Variants in MRPS21 observed in about 807,000 individuals in gnomAD.
MRPS21 encodes the protein mitochondrial ribosomal protein S21, also known as small ribosomal subunit protein bS21m.
Under a neutral mutation model 9.9 loss-of-function variants are expected in MRPS21, and 8 were observed. The observed-to-expected ratio is 0.81, with a 90% CI of 0.47 to 1.45. MRPS21 has a LOEUF of 1.45. MRPS21 is among the 40% of genes most tolerant of loss of function. MRPS21 has a pLI of 0.00. For synonymous variants in MRPS21, 40 were observed against 40.3 expected (o/e 0.99, Z 0.03); for missense variants, 101 against 118.9 (o/e 0.85, Z 0.70).
At chr1:150,304,311 CAA>C in intron 2 of MRPS21, 91 of 181,230 alleles carry the variant, frequency 5.0e-4, no homozygotes, top group South Asian at 1.2e-3. Context: ...GCCCTGCCTA[CAA>C]AAAAAAAAAA....
chr1:150,307,558 G>C (rs1419131224), intron 2 of MRPS21, among the ~76,000 whole-genome samples: 1 of 151,424 alleles, frequency 6.6e-6, no homozygotes, highest in Admixed American at 6.6e-5. Context: ...GGGTTTTGCC[G>C]TGTTGCCCAT....
rs772088448 is a variant in MRPS21, at chr1:150,297,442, C to T, written c.83+2993C>T. ...ATCCCAGCACTTTGGGAGGTTCAGG[C>T]GGGTGGATCACCTGAGGTCAGGAGT... On this transcript the variant is annotated intron_variant, in intron 2 of 2. Coordinates refer to ENST00000614145, the MANE Select transcript of MRPS21 (RefSeq NM_031901.6). Among the ~76,000 whole-genome samples the T allele has an allele frequency of 1.8e-3, 271 of 152,116 alleles. 1 individual carries two copies. Among genetic ancestry groups the T allele is most frequent in the Middle Eastern group, 3.4e-3 (1 of 294 alleles).
chr1:150,302,491 C>T (rs368041704), intron 2 of MRPS21, among the ~76,000 whole-genome samples: 22 of 152,310 alleles, frequency 1.4e-4, no homozygotes, highest in East Asian at 3.9e-4. Flanking sequence ...TCTGCATACA[C>T]GTCTGTCCTG....
chr1:150,306,722 T>C (rs1654344690), intron 2 of MRPS21, among the ~76,000 whole-genome samples: 1 of 152,120 alleles, frequency 6.6e-6, no homozygotes, highest in South Asian at 2.1e-4. Flanking sequence ...CTCAAACTCC[T>C]GACCTCAGGT....
At chr1:150,299,733 G>C (rs952310593) in intron 2 of MRPS21, among the ~76,000 whole-genome samples, 1 of 152,140 alleles carries the variant, frequency 6.6e-6, no homozygotes, top group Non-Finnish European at 1.5e-5. Context: ...GGGATTACAG[G>C]TGTGAGCCAC....
chr1:150,296,005 G>T (rs1283897264), intron 2 of MRPS21, among the ~76,000 whole-genome samples: 2 of 149,972 alleles, frequency 1.3e-5, no homozygotes, highest in Non-Finnish European at 3.0e-5. Flanking sequence ...AGGCTGGAGC[G>T]CAGTGGTGCA....
chr1:150,308,384 C>T lies in MRPS21; in HGVS notation c.*156C>T, dbSNP rs587770728. On this transcript the variant is annotated 3_prime_UTR_variant, in exon 3 of 3. Transcript: ENST00000614145. ...CAAATATAGAAACAATCCCATTAGT[C>T]AGCAGTGGACCCTGTCTTTTATTAA... 3 of 641,554 alleles carry T rather than the reference C, an allele frequency of 4.7e-6. No homozygotes were observed. The highest frequency in any genetic ancestry group is 6.0e-5 in the Admixed American group (2 of 33,096). 39.7% of individuals were successfully genotyped at this position (641,554 alleles called of 1,614,324 possible). A position where few individuals can be genotyped will look rare whatever the true frequency, so the allele number is the denominator to read the frequency against.
chr1:150,296,909 G>A (rs1653932079), intron 2 of MRPS21, among the ~76,000 whole-genome samples: 1 of 152,154 alleles, frequency 6.6e-6, no homozygotes, highest in Non-Finnish European at 1.5e-5. Context: ...CTTGAGGACT[G>A]AGAGGGCAAA....
chr1:150,294,620 C>T (rs1485094998), intron 2 of MRPS21, among the ~76,000 whole-genome samples, 171 bp downstream of exon 2: 1 of 152,054 alleles, frequency 6.6e-6, no homozygotes, highest in African/African-American at 2.4e-5. Flanking sequence ...AGTTCTGGGC[C>T]GGGCGCGGTG....
At chr1:150,297,299 A>AAG (rs1653950446) in intron 2 of MRPS21, among the ~76,000 whole-genome samples, 108 of 256 alleles carry the variant, frequency 0.42, 2 homozygotes, top group South Asian at 0.5. Flanking sequence ...TACAAAAAAA[A>AAG]AAAGAAAAAA....
At chr1:150,302,047 C>T (rs1654155543) in intron 2 of MRPS21, among the ~76,000 whole-genome samples, 1 of 152,134 alleles carries the variant, frequency 6.6e-6, no homozygotes, top group Non-Finnish European at 1.5e-5. Context: ...CTCTGCTTTT[C>T]CCAAATGTCC....
intron 1 of MRPS21, 184 bp downstream of exon 1, chr1:150,294,082 T>A: frequency 2.7e-6 from 1 of 370,186 alleles, no homozygotes; most frequent in East Asian, 5.7e-5. Context: ...CGTGTCCTTC[T>A]CATGCCCGGC....
intron 2 of MRPS21, among the ~76,000 whole-genome samples, chr1:150,294,996 ATT>A (rs1449221647): frequency 7.3e-5 from 10 of 136,536 alleles, no homozygotes; most frequent in South Asian, 2.3e-4. Context: ...TTTAATTTTA[ATT>A]TTTTTTTTTT....
chr1:150,307,803 C>T (rs1654397724), intron 2 of MRPS21, among the ~76,000 whole-genome samples: 1 of 152,140 alleles, frequency 6.6e-6, no homozygotes, highest in African/African-American at 2.4e-5. Context: ...TGGTCTCAAA[C>T]TCCTGGGCTC....
chr1:150,306,597 G>A (rs1654340287), intron 2 of MRPS21, among the ~76,000 whole-genome samples: 1 of 152,004 alleles, frequency 6.6e-6, no homozygotes, highest in Admixed American at 6.6e-5. Context: ...CAGGGTTCAA[G>A]CAATTCTCCT....
In MRPS21 at chr1:150,295,665, G is replaced by A. The variant is rs587641380; in HGVS notation, c.83+1216G>A. On this transcript the variant is annotated intron_variant, in intron 2 of 2. Transcript: ENST00000614145. ...AAAGATGGGAAAGCTCACTGGGTGG[G>A]ATGACTCACACCTGTAATCCTAGCA... 7.2e-5 allele frequency among the ~76,000 whole-genome samples: 11 copies of A among 152,222 alleles called. No homozygotes were observed. The South Asian group carries it at 1.7e-3, about 23-fold the overall frequency.
intron 1 of MRPS21, 79 bp from the exon 2 acceptor site, chr1:150,294,256 A>C: frequency 4.1e-6 from 4 of 967,906 alleles, no homozygotes; most frequent in Non-Finnish European, 6.4e-6. Context: ...TCCAAATCCT[A>C]AATAAGCCGC....
chr1:150,301,031 C>T (rs587725555), intron 2 of MRPS21, among the ~76,000 whole-genome samples: 1 of 150,566 alleles, frequency 6.6e-6, no homozygotes, highest in Admixed American at 6.6e-5. Context: ...AACCCTGTCT[C>T]TACTAAAAAA....
intron 1 of MRPS21, 73 bp downstream of exon 1, chr1:150,293,971 C>T (rs187489784): frequency 4.4e-4 from 95 of 214,334 alleles, no homozygotes; most frequent in Admixed American, 4.3e-3. Context: ...GCTTTCGCCC[C>T]CTTTTCCAAA....
Sources: allele counts gnomAD v4.1 joint callset (sites outside exome capture counted in the v4.1 genomes callset), GRCh38; gene constraint gnomAD v4.1.1; transcripts MANE v1.5; gene names NCBI Gene and HGNC (gene_info 2026-07-23, HGNC 2026-07-21).